Variants in SORCS2 observed in about 807,000 individuals in gnomAD.
The protein encoded by SORCS2 is sortilin related VPS10 domain containing receptor 2.
Under a neutral mutation model 141.6 loss-of-function variants are expected in SORCS2, and 100 were observed. The observed-to-expected ratio is 0.71, with a 90% CI of 0.60 to 0.83. The LOEUF (loss-of-function observed/expected upper bound fraction) is 0.83. Ranked by LOEUF, SORCS2 falls within the 40% of genes least tolerant of loss-of-function variation. The pLI is 0.00. For missense variants in SORCS2, 1,646 were observed against 1,560.2 expected (o/e 1.05, Z -0.93); for synonymous variants, 789 against 676.9 (o/e 1.17, Z -2.57).
At position 7,703,371 on chromosome 4, in the gene SORCS2, A is replaced by G; in HGVS notation, c.1760A>G (p.Lys587Arg). 1 of 1,612,090 alleles carries G rather than the reference A, an allele frequency of 6.2e-7. No homozygotes were observed. The highest frequency in any genetic ancestry group is 8.5e-7 in the Non-Finnish European group (1 of 1,179,202). ...KDTSIPLKIL[K>R]FSVDEGLTWS... ...ACCTCCATCCCTTTGAAGATCCTCA[A>G]GTAATGGCGTCTGCTAGCCCCGGGG... is the stretch of plus-strand genomic sequence containing the variant. The change falls in exon 13 of 27, where the codon AAG becomes AGG. Residue 587 changes from lysine (K) to arginine (R), a missense_variant and splice_region_variant. Lys to Arg is a conservative substitution (Grantham distance 26). Transcript: ENST00000507866.
At chr4:7,337,847 G>A (rs1023536503) in intron 1 of SORCS2, among the ~76,000 whole-genome samples, 3 of 152,164 alleles carry the variant, frequency 2.0e-5, no homozygotes, top group Admixed American at 1.3e-4. Context: ...CAGCTCCTGA[G>A]AGCTTCCAGA....
chr4:7,355,519 C>T (rs1471619878), intron 1 of SORCS2, among the ~76,000 whole-genome samples: 1 of 152,114 alleles, frequency 6.6e-6, no homozygotes, highest in Non-Finnish European at 1.5e-5. Flanking sequence ...GGTGGTGACG[C>T]AGGGCCCCAG....
intron 3 of SORCS2, among the ~76,000 whole-genome samples, chr4:7,552,326 G>A (rs1469440560): frequency 4.6e-5 from 7 of 152,158 alleles, no homozygotes; most frequent in Non-Finnish European, 1.0e-4. Flanking sequence ...TCCCAGGAAG[G>A]TGTCTCTGTC....
intron 2 of SORCS2, among the ~76,000 whole-genome samples, chr4:7,399,177 C>T (rs777898183): frequency 1.8e-4 from 27 of 152,122 alleles, no homozygotes; most frequent in Non-Finnish European, 3.2e-4. Context: ...TTGGGACTCA[C>T]GCCGGAAGAT....
chr4:7,605,149 C>T (rs1441058156), intron 3 of SORCS2, among the ~76,000 whole-genome samples: 1 of 152,212 alleles, frequency 6.6e-6, no homozygotes, highest in Non-Finnish European at 1.5e-5. Flanking sequence ...CTCTGCCTGG[C>T]TTCCACTTCC....
At chr4:7,695,234 G>T (rs1483783085) in intron 11 of SORCS2, among the ~76,000 whole-genome samples, 2 of 145,732 alleles carry the variant, frequency 1.4e-5, no homozygotes, top group Admixed American at 1.4e-4. Flanking sequence ...ATAGATGGAT[G>T]GATGAGTGGA....
rs368602282 is a variant in SORCS2 at position 7,637,537 on chromosome 4, A to G, written c.649-791A>G. Among the ~76,000 whole-genome samples the G allele has an allele frequency of 1.8e-4, 27 of 152,312 alleles. No homozygotes were observed. In the East Asian group the frequency reaches 5.0e-3, roughly 28 times the overall value. On this transcript the variant is annotated intron_variant, in intron 3 of 26. Transcript: ENST00000507866. Reference sequence around the variant, plus strand: ...GCTGTGAACCCTGAGTTTACGGTGGAGCCTCAGTGCCCAGAACAGTGCCCA... The same window carrying G: ...GCTGTGAACCCTGAGTTTACGGTGGGGCCTCAGTGCCCAGAACAGTGCCCA...
At chr4:7,591,510 G>A (rs1243964266) in intron 3 of SORCS2, among the ~76,000 whole-genome samples, 3 of 152,192 alleles carry the variant, frequency 2.0e-5, no homozygotes, top group East Asian at 1.9e-4. Flanking sequence ...CTGATCCACC[G>A]AATGGGAAGT....
At chr4:7,690,036 G>A (rs944540317) in intron 11 of SORCS2, among the ~76,000 whole-genome samples, 7 of 151,458 alleles carry the variant, frequency 4.6e-5, no homozygotes, top group African/African-American at 1.7e-4. Context: ...CATGGATGAT[G>A]TATGATGGAT....
intron 3 of SORCS2, among the ~76,000 whole-genome samples, chr4:7,608,619 C>T (rs1046842524): frequency 2.0e-5 from 3 of 152,220 alleles, no homozygotes; most frequent in African/African-American, 7.2e-5. Flanking sequence ...GGACAGGGCA[C>T]TCAGTGACAG....
At chr4:7,317,674 T>G (rs1372479940) in intron 1 of SORCS2, among the ~76,000 whole-genome samples, 1 of 72,460 alleles carries the variant, frequency 1.4e-5, no homozygotes, top group Non-Finnish European at 3.1e-5. Flanking sequence ...GGGCTGAGGC[T>G]TAGGACTTGG....
intron 1 of SORCS2, among the ~76,000 whole-genome samples, chr4:7,316,589 C>T (rs549267569): frequency 2.0e-5 from 3 of 152,302 alleles, no homozygotes; most frequent in African/African-American, 7.2e-5. Context: ...CGTGCCTTTA[C>T]ACAGATTAAA....
At chr4:7,402,307 T>C (rs1724642034) in intron 2 of SORCS2, among the ~76,000 whole-genome samples, 1 of 152,218 alleles carries the variant, frequency 6.6e-6, no homozygotes, top group African/African-American at 2.4e-5. Context: ...GAAATTGGTG[T>C]GGGTCATCCC....
chr4:7,391,390 G>T (rs182332454), intron 1 of SORCS2, among the ~76,000 whole-genome samples: 44 of 152,182 alleles, frequency 2.9e-4, no homozygotes, highest in African/African-American at 1.0e-3. Context: ...GCTTTGAGAC[G>T]TAGCCCAGGC....
At chr4:7,279,129 G>A (rs1478119161) in intron 1 of SORCS2, among the ~76,000 whole-genome samples, 1 of 152,112 alleles carries the variant, frequency 6.6e-6, no homozygotes, top group Non-Finnish European at 1.5e-5. Context: ...AGGGAGTTCT[G>A]GAAATACAGT....
In SORCS2 at chr4:7,362,610, C is replaced by T. The variant is rs558329628; in HGVS notation, c.481-33678C>T. Among the ~76,000 whole-genome samples the T allele has an allele frequency of 7.2e-5, 11 of 152,186 alleles. No individual in the cohort carries two copies. The East Asian group carries it at 1.4e-3, about 19-fold the overall frequency. On this transcript the variant is annotated intron_variant, in intron 1 of 26. Transcript: ENST00000507866. ...AGAGGGCTCTGCCCCTGGAAAGCTG[C>T]GGTTCCAGGGGGAACCTGACCAGGG...
chr4:7,463,042 C>A (rs1405027326), intron 2 of SORCS2, among the ~76,000 whole-genome samples: 1 of 151,982 alleles, frequency 6.6e-6, no homozygotes, highest in African/African-American at 2.4e-5. Context: ...GTGACAACAG[C>A]CCCACAAAGG....
At chr4:7,322,333 C>CCAG (rs1718948519) in intron 1 of SORCS2, among the ~76,000 whole-genome samples, 1 of 152,186 alleles carries the variant, frequency 6.6e-6, no homozygotes, top group Non-Finnish European at 1.5e-5. Flanking sequence ...CCCTGGCATG[C>CCAG]AGCTGCTGTC....
intron 2 of SORCS2, among the ~76,000 whole-genome samples, chr4:7,506,757 T>A (rs1395116528): frequency 1.3e-5 from 2 of 152,204 alleles, no homozygotes; most frequent in Non-Finnish European, 2.9e-5. Flanking sequence ...TGCCGGAGAC[T>A]GGATGTAGTC....
Sources: allele counts gnomAD v4.1 joint callset (sites outside exome capture counted in the v4.1 genomes callset), GRCh38; gene constraint gnomAD v4.1.1; transcripts MANE v1.5; gene names NCBI Gene and HGNC (gene_info 2026-07-23, HGNC 2026-07-21).